The following GALNT11 variants were observed in gnomAD, a reference collection of about 807,000 sequenced individuals.
GALNT11 encodes polypeptide N-acetylgalactosaminyltransferase 11.
GALNT11 carries 47 observed loss-of-function variants against 72.7 expected under a neutral mutation model. That is an observed-to-expected ratio of 0.65 (90% CI 0.51 to 0.82). The LOEUF (loss-of-function observed/expected upper bound fraction) is 0.82. GALNT11 is among the 40% of genes least tolerant of loss of function. GALNT11 has a pLI of 0.00. For synonymous variants in GALNT11, 270 were observed against 286.6 expected, an observed-to-expected ratio of 0.94 and a Z score of 0.58; for missense variants, 677 against 778.4, an observed-to-expected ratio of 0.87 and a Z score of 1.55.
intron 1 of GALNT11, among the ~76,000 whole-genome samples, chr7:152,071,104 A>G (rs1031612692): frequency 6.6e-6 from 1 of 152,240 alleles, no homozygotes; most frequent in African/African-American, 2.4e-5. Flanking sequence ...AAAATTGCTA[A>G]TGAAGTTTCG....
At chr7:152,045,166 T>G (rs991537364) in intron 1 of GALNT11, among the ~76,000 whole-genome samples, 1 of 152,154 alleles carries the variant, frequency 6.6e-6, no homozygotes, top group Non-Finnish European at 1.5e-5. Flanking sequence ...CTTTTTAATG[T>G]GTCATTGAAT....
intron 9 of GALNT11, chr7:152,118,421 A>G (rs1013031935): frequency 2.9e-5 from 12 of 408,774 alleles, no homozygotes; most frequent in Middle Eastern, 6.6e-4. Context: ...GTAAACATGT[A>G]TATGTAGCTA....
In GALNT11 at chr7:152,101,370, C is replaced by T. The variant is rs570803196; in HGVS notation, c.419+449C>T. Among the ~76,000 whole-genome samples, 10 of 152,242 alleles carry T rather than the reference C, an allele frequency of 6.6e-5. No individual in the cohort carries two copies. The South Asian group carries it at 8.3e-4, about 13-fold the overall frequency. ...TGTTGAGCACCTTCTGTTTGCTACACGCCGTCTTGAGCCCTGGAAGAAACA... is the reference window on the plus strand; with the variant it reads ...TGTTGAGCACCTTCTGTTTGCTACATGCCGTCTTGAGCCCTGGAAGAAACA... On this transcript the variant is annotated intron_variant, in intron 3 of 11. Coordinates refer to ENST00000430044, the MANE Select transcript of GALNT11 (RefSeq NM_022087.4).
At chr7:152,105,139 G>T in intron 4 of GALNT11, 106 bp from the exon 5 acceptor site, 1 of 1,208,120 alleles carries the variant, frequency 8.3e-7, no homozygotes, top group South Asian at 1.7e-5. Context: ...TTGCTTGATA[G>T]TTTGTTGTAA....
At chr7:152,066,260 G>A (rs2084305644) in intron 1 of GALNT11, among the ~76,000 whole-genome samples, 1 of 145,184 alleles carries the variant, frequency 6.9e-6, no homozygotes, top group South Asian at 2.2e-4. Context: ...TAATCTCCTG[G>A]TGTGCCATTT....
chr7:152,121,526 T>A lies in GALNT11; in HGVS notation c.1696-20T>A, dbSNP rs773141913. On this transcript the variant is annotated intron_variant, in intron 11 of 11. Coordinates refer to ENST00000430044, the MANE Select transcript of GALNT11 (RefSeq NM_022087.4). Reference sequence around the variant, plus strand: ...TTGCCAGTAATTGGCAGTATTTTTTTGTTGCTACCTTTTTTTCAGAAAAAC... The same window carrying A: ...TTGCCAGTAATTGGCAGTATTTTTTAGTTGCTACCTTTTTTTCAGAAAAAC... 1 of 1,602,450 alleles carries A rather than the reference T, an allele frequency of 6.2e-7. No individual in the cohort carries two copies. Among genetic ancestry groups the A allele is most frequent in the South Asian group, 1.1e-5 (1 of 89,258 alleles).
At chr7:152,099,550 T>A (rs1198273413) in intron 2 of GALNT11, among the ~76,000 whole-genome samples, 9 of 135,140 alleles carry the variant, frequency 6.7e-5, no homozygotes, top group African/African-American at 2.6e-4. Flanking sequence ...TTTTTTTTTT[T>A]TTTTTTTTTG....
At position 152,103,141 on chromosome 7, in the gene GALNT11, T is replaced by A. The variant is rs1452155901; in HGVS notation, c.449T>A (p.Leu150Gln). 3.7e-6 allele frequency: 6 copies of A among 1,610,058 alleles called. No individual in the cohort carries two copies. The African/African-American group carries it at 6.7e-5, about 18-fold the overall frequency. ...AAAGAAAAGTTCTACCCACCTGACCTGCCAGCTGCTAGTGTTGTTATCTGT... is the reference window on the plus strand; with the variant it reads ...AAAGAAAAGTTCTACCCACCTGACCAGCCAGCTGCTAGTGTTGTTATCTGT... ...ACKEKFYPPD[L>Q]PAASVVICFY... is the part of the protein sequence containing the mutation. The change falls in exon 4 of 12, where the codon CTG (leucine) becomes CAG (glutamine). Residue 150 changes from leucine to glutamine, a missense_variant. By Grantham distance (113) the Leu-to-Gln change is moderately radical. Transcript: ENST00000430044.
chr7:152,099,935 C>T (rs2086711763), intron 2 of GALNT11, among the ~76,000 whole-genome samples: 1 of 149,012 alleles, frequency 6.7e-6, no homozygotes, highest in Admixed American at 6.7e-5. Flanking sequence ...ACTGAGCCAC[C>T]ACACCTGGCT....
At chr7:152,036,549 A>G (rs2082589127) in intron 1 of GALNT11, among the ~76,000 whole-genome samples, 1 of 152,200 alleles carries the variant, frequency 6.6e-6, no homozygotes, top group Non-Finnish European at 1.5e-5. Flanking sequence ...GCTGCAGGAA[A>G]CATGAGACTG....
intron 1 of GALNT11, among the ~76,000 whole-genome samples, chr7:152,055,523 G>A (rs1457452002): frequency 7.7e-3 from 20 of 2,610 alleles, no homozygotes; most frequent in Admixed American, 0.064. Context: ...TATAAAGCGT[G>A]TGTGTGTGTG....
Position 152,105,352 on chromosome 7 carries a change from G to C in GALNT11, c.694G>C (p.Gly232Arg). 2.5e-6 allele frequency: 4 copies of C among 1,613,332 alleles called. No individual in the cohort carries two copies. Among genetic ancestry groups the C allele is most frequent in the Non-Finnish European group, 3.4e-6 (4 of 1,179,688 alleles). The change falls in exon 5 of 12, where the codon GGC (glycine) becomes CGC (arginine). Residue 232 changes from glycine (G) to arginine (R), a missense_variant. Transcript: ENST00000430044. ...REGLIRGRMIGAAHATGEVLV... is the reference protein window; with the variant it reads ...REGLIRGRMIRAAHATGEVLV... ...GGGGTTGATTCGAGGGAGAATGATTGGCGCGGCCCACGCGACAGGTATCAC... is the reference window on the plus strand; with the variant it reads ...GGGGTTGATTCGAGGGAGAATGATTCGCGCGGCCCACGCGACAGGTATCAC...
chr7:152,057,077 G>A (rs2083725643), intron 1 of GALNT11, among the ~76,000 whole-genome samples: 1 of 136,356 alleles, frequency 7.3e-6, no homozygotes, highest in South Asian at 2.3e-4. Context: ...GGCCAGTCTT[G>A]AATTCCTGGG....
rs1213980104 is a variant in GALNT11 at position 152,094,390 on chromosome 7, T to C, written c.163T>C (p.Phe55Leu). ...GCCCCACGGACCATCTCCAAAAAAA[T>C]TCTATCCCCGTTTCACTCGAGGCCC... ...SGPHGPSPKKFYPRFTRGPSR... is the reference protein window; with the variant it reads ...SGPHGPSPKKLYPRFTRGPSR... The change falls in exon 2 of 12, where the codon TTC becomes CTC. Residue 55 changes from phenylalanine (F) to leucine (L), a missense_variant. Physicochemically the swap from Phe to Leu is conservative, Grantham distance 22. Transcript: ENST00000430044. This position sits in a 1 kb window ranked among gnomAD's most constrained non-coding sequence, Gnocchi z 4.3. 6.2e-7 allele frequency: 1 copy of C among 1,613,994 alleles called. No individual in the cohort carries two copies.
chr7:152,046,298 G>GT (rs2083119012), intron 1 of GALNT11, among the ~76,000 whole-genome samples: 1 of 152,122 alleles, frequency 6.6e-6, no homozygotes, highest in Non-Finnish European at 1.5e-5. Flanking sequence ...GAAATGCCCT[G>GT]TAAGTATTTA....
intron 1 of GALNT11, among the ~76,000 whole-genome samples, chr7:152,045,171 T>C (rs1204515937): frequency 6.6e-6 from 1 of 152,178 alleles, no homozygotes; most frequent in Non-Finnish European, 1.5e-5. Context: ...TAATGTGTCA[T>C]TGAATTCAGT....
At chr7:152,084,486 T>G (rs2085520603) in intron 1 of GALNT11, among the ~76,000 whole-genome samples, 1 of 152,178 alleles carries the variant, frequency 6.6e-6, no homozygotes, top group Admixed American at 6.5e-5. Flanking sequence ...GTTTTCAAAT[T>G]TATTGTTAAG....
intron 1 of GALNT11, among the ~76,000 whole-genome samples, chr7:152,090,855 A>G (rs2085978318): frequency 6.6e-6 from 1 of 151,998 alleles, no homozygotes; most frequent in Non-Finnish European, 1.5e-5. Context: ...ATTATTTAAC[A>G]CAGTGTTCCC....
chr7:152,029,910 G>C (rs1430877318), intron 1 of GALNT11, among the ~76,000 whole-genome samples: 1 of 152,256 alleles, frequency 6.6e-6, no homozygotes, highest in African/African-American at 2.4e-5. Flanking sequence ...TGGGTTGTCA[G>C]TGGCCTCAGT....
Sources: allele counts gnomAD v4.1 joint callset (sites outside exome capture counted in the v4.1 genomes callset), GRCh38; gene constraint gnomAD v4.1.1; non-coding constraint Gnocchi (gnomAD v3.1); transcripts MANE v1.5; gene names NCBI Gene and HGNC (gene_info 2026-07-23, HGNC 2026-07-21).